The following GCH1 variants were observed in gnomAD, a reference collection of about 807,000 sequenced individuals.
GCH1 encodes GTP cyclohydrolase 1, also known as GTP cyclohydrolase I.
A neutral mutation model predicts 25.9 loss-of-function variants in GCH1; 5 were observed. The observed-to-expected ratio is 0.19, with a 90% confidence interval of 0.10 to 0.41. The LOEUF (loss-of-function observed/expected upper bound fraction) is 0.41, where lower values mean the gene tolerates loss of function less well. GCH1 is among the 10% of genes least tolerant of loss of function. GCH1 has a pLI of 1.00. For synonymous variants in GCH1, 159 were observed against 129.6 expected (o/e 1.23, Z -1.54); for missense variants, 261 against 336.5 (o/e 0.78, Z 1.75).
At chr14:54,845,205 C>T (rs559354234) in intron 5 of GCH1, among the ~76,000 whole-genome samples, 113 of 151,544 alleles carry the variant, frequency 7.5e-4, no homozygotes, top group Middle Eastern at 3.5e-3. Flanking sequence ...TTGAGCTGGG[C>T]GCAGGGGCTC....
At chr14:54,860,464 C>A (rs1391263629) in intron 2 of GCH1, among the ~76,000 whole-genome samples, 1 of 151,968 alleles carries the variant, frequency 6.6e-6, no homozygotes, top group Non-Finnish European at 1.5e-5. Context: ...CAAAGCCCTG[C>A]AGCACAGAAG....
Position 54,842,960 on chromosome 14 carries a change from G to T in GCH1, c.*1057C>A. Reference sequence around the variant, plus strand: ...TTTTCACAGATCGTTGGTACGATACGCTTTGGTTAAAACGTTGGACACAGC... The same window carrying T: ...TTTTCACAGATCGTTGGTACGATACTCTTTGGTTAAAACGTTGGACACAGC... On this transcript the variant is annotated 3_prime_UTR_variant, in exon 6 of 6. Coordinates refer to ENST00000491895, the MANE Select transcript of GCH1 (RefSeq NM_000161.3). The T allele has an allele frequency of 1.4e-6, 1 of 723,900 alleles. No individual in the cohort carries two copies. Among genetic ancestry groups the T allele is most frequent in the Non-Finnish European group, 2.5e-6 (1 of 394,222 alleles). The allele number at this position is 723,900 out of a possible 1,614,324, so 44.8% of individuals were successfully genotyped here.
chr14:54,860,851 C>A (rs959642216), intron 2 of GCH1, among the ~76,000 whole-genome samples: 35 of 152,066 alleles, frequency 2.3e-4, no homozygotes, highest in Admixed American at 2.0e-3. Context: ...ATCTTCCTAA[C>A]TGGAGAAAAA....
intron 2 of GCH1, among the ~76,000 whole-genome samples, chr14:54,864,510 C>T (rs2039963635): frequency 6.6e-6 from 1 of 152,168 alleles, no homozygotes; most frequent in South Asian, 2.1e-4. Flanking sequence ...TTAAATTCCT[C>T]CAATTGTCTC....
chr14:54,876,625 C>T (rs563793418), intron 1 of GCH1, among the ~76,000 whole-genome samples: 3 of 152,252 alleles, frequency 2.0e-5, no homozygotes, highest in Non-Finnish European at 2.9e-5. Flanking sequence ...GATTACACCA[C>T]TGCATTCCAG....
intron 1 of GCH1, among the ~76,000 whole-genome samples, chr14:54,891,087 C>A (rs1221011282): frequency 1.3e-5 from 2 of 149,622 alleles, no homozygotes; most frequent in Non-Finnish European, 3.0e-5. Flanking sequence ...CAGAAATAGA[C>A]AATTCATAAG....
Position 54,843,304 on chromosome 14 carries a change from C to G in GCH1, c.*713G>C. Reference sequence around the variant, plus strand: ...TCTAAATGATATTCTTATCAAGGCACAGAGAGTTAAATGTCTAAATCCCTG... The same window carrying G: ...TCTAAATGATATTCTTATCAAGGCAGAGAGAGTTAAATGTCTAAATCCCTG... On this transcript the variant is annotated 3_prime_UTR_variant, in exon 6 of 6. Coordinates refer to ENST00000491895, the MANE Select transcript of GCH1 (RefSeq NM_000161.3). The G allele has an allele frequency of 7.4e-7, 1 of 1,342,450 alleles. No individual in the cohort carries two copies. Among genetic ancestry groups the G allele is most frequent in the Non-Finnish European group, 9.5e-7 (1 of 1,052,196 alleles). 83.2% of individuals were successfully genotyped at this position (1,342,450 alleles called of 1,614,324 possible). A position where few individuals can be genotyped will look rare whatever the true frequency, so the allele number is the denominator to read the frequency against.
In GCH1 at chr14:54,842,434, T is replaced by C. The variant is rs1490833184; in HGVS notation, c.*1583A>G. The C allele has an allele frequency of 6.6e-6, 1 of 152,638 alleles. No individual in the cohort carries two copies. The highest frequency in any genetic ancestry group is 2.4e-5 in the African/African-American group (1 of 41,462). The allele number at this position is 152,638 out of a possible 1,614,324, so 9.5% of individuals were successfully genotyped here. On this transcript the variant is annotated 3_prime_UTR_variant, in exon 6 of 6. Transcript: ENST00000491895. ...GAGTGCTCAGAATTCTACCTATAAA[T>C]GTCTAAATATTAAGCAGGCTAATGT...
chr14:54,897,857 C>T (rs1008519585), intron 1 of GCH1, among the ~76,000 whole-genome samples: 3 of 152,180 alleles, frequency 2.0e-5, no homozygotes, highest in African/African-American at 7.2e-5. Flanking sequence ...TTAAAAAGTA[C>T]GGTCATGCAT....
chr14:54,877,668 AT>A (rs977726683), intron 1 of GCH1, among the ~76,000 whole-genome samples: 1 of 151,254 alleles, frequency 6.6e-6, no homozygotes, highest in Non-Finnish European at 1.5e-5. Flanking sequence ...TAATTTTTGT[AT>A]TTTTTTGTAG....
At chr14:54,856,234 G>A (rs556532538) in intron 3 of GCH1, among the ~76,000 whole-genome samples, 8 of 152,166 alleles carry the variant, frequency 5.3e-5, no homozygotes, top group Admixed American at 5.2e-4. Flanking sequence ...CACCTGCCAG[G>A]CCACAGCCAT....
intron 3 of GCH1, among the ~76,000 whole-genome samples, chr14:54,855,801 A>C (rs2039802432): frequency 6.6e-6 from 1 of 152,174 alleles, no homozygotes; most frequent in African/African-American, 2.4e-5. Context: ...CCGACAAAGC[A>C]AGACTCCATC....
At chr14:54,847,810 G>A (rs2039666453) in intron 3 of GCH1, among the ~76,000 whole-genome samples, 1 of 151,916 alleles carries the variant, frequency 6.6e-6, no homozygotes, top group Non-Finnish European at 1.5e-5. Context: ...CGTTCACTTA[G>A]GAAAAACAGA....
chr14:54,902,583 C>T lies in GCH1; in HGVS notation c.81G>A (p.Pro27=). 2 of 1,493,538 alleles carry T rather than the reference C, an allele frequency of 1.3e-6. No individual in the cohort carries two copies. The highest frequency in any genetic ancestry group is 2.4e-5 in the Admixed American group (1 of 42,452). 92.5% of individuals were successfully genotyped at this position (1,493,538 alleles called of 1,614,324 possible). A position where few individuals can be genotyped will look rare whatever the true frequency, so the allele number is the denominator to read the frequency against. Residue 27 remains proline, a synonymous_variant, in exon 1 of 6, where the codon CCG becomes CCA. Coordinates refer to ENST00000491895, the MANE Select transcript of GCH1 (RefSeq NM_000161.3). ...RCSNGFPERD[P]PRPGPSRPAE... ...CCGGCCTGCTGGGCCCGGGCCGCGG[C>T]GGATCCCGCTCGGGGAACCCATTGC...
chr14:54,867,936 G>A (rs1018840580), intron 1 of GCH1, among the ~76,000 whole-genome samples: 12 of 152,170 alleles, frequency 7.9e-5, no homozygotes, highest in Middle Eastern at 3.2e-3. Context: ...ACCTGGCAGA[G>A]GCTACCTTAA....
Position 54,843,654 on chromosome 14 carries a change from T to A in GCH1, c.*363A>T. The A allele has an allele frequency of 6.4e-7, 1 of 1,564,250 alleles. No individual in the cohort carries two copies. Among genetic ancestry groups the A allele is most frequent in the South Asian group, 1.2e-5 (1 of 81,954 alleles). Reference sequence around the variant, plus strand: ...AAAAAAACAGTATACTGGGCACAGTTCCCTCTCATTCCCAATGCTCCTATG... The same window carrying A: ...AAAAAAACAGTATACTGGGCACAGTACCCTCTCATTCCCAATGCTCCTATG... On this transcript the variant is annotated 3_prime_UTR_variant, in exon 6 of 6. Transcript: ENST00000491895.
intron 1 of GCH1, among the ~76,000 whole-genome samples, chr14:54,872,598 A>G (rs1385611414): frequency 7.2e-5 from 11 of 152,176 alleles, no homozygotes; most frequent in African/African-American, 1.4e-4. Flanking sequence ...GTATTCAGGA[A>G]ACCCATCTCA....
At chr14:54,887,550 C>A (rs1370910155) in intron 1 of GCH1, among the ~76,000 whole-genome samples, 1 of 152,088 alleles carries the variant, frequency 6.6e-6, no homozygotes, top group Non-Finnish European at 1.5e-5. Flanking sequence ...TAATCAAATG[C>A]AAATGTATGG....
chr14:54,897,743 T>G (rs2040508355), intron 1 of GCH1, among the ~76,000 whole-genome samples: 1 of 152,214 alleles, frequency 6.6e-6, no homozygotes, highest in Non-Finnish European at 1.5e-5. Context: ...CTACTACTTG[T>G]GTCAACCTCT....
Sources: gnomAD v4.1 joint callset for allele counts (sites outside exome capture counted in the v4.1 genomes callset) on GRCh38, gnomAD v4.1.1 for gene constraint, MANE v1.5 for transcripts, NCBI Gene and HGNC (gene_info 2026-07-23, HGNC 2026-07-21) for gene names.